The following PCDH15 variants were observed in gnomAD, a reference collection of about 807,000 sequenced individuals.
The protein encoded by PCDH15 is protocadherin related 15.
Under a neutral mutation model 178.5 loss-of-function variants are expected in PCDH15, and 129 were observed. That is an observed-to-expected ratio of 0.72 (90% CI 0.63 to 0.84). The LOEUF (loss-of-function observed/expected upper bound fraction) is 0.84. Ranked by LOEUF, PCDH15 falls within the 40% of genes least tolerant of loss-of-function variation. PCDH15 has a pLI of 0.00. For synonymous variants in PCDH15, 800 were observed against 732.0 expected (o/e 1.09, Z -1.50); for missense variants, 2,230 against 2,099.9 (o/e 1.06, Z -1.21).
chr10:53,952,846 A>G (rs960936533), intron 23 of PCDH15, among the ~76,000 whole-genome samples: 11 of 152,256 alleles, frequency 7.2e-5, no homozygotes, highest in African/African-American at 2.7e-4. Context: ...TCAGCACCAC[A>G]TGAGTGTGGG....
chr10:53,979,629 T>C (rs1309955289), intron 21 of PCDH15, among the ~76,000 whole-genome samples: 1 of 152,218 alleles, frequency 6.6e-6, no homozygotes, highest in Admixed American at 6.5e-5. Flanking sequence ...AACATAGGTA[T>C]GCTTTTGTAC....
chr10:55,191,808 C>T (rs1233555730), intron 1 of PCDH15, among the ~76,000 whole-genome samples: 1 of 151,836 alleles, frequency 6.6e-6, no homozygotes, highest in Non-Finnish European at 1.5e-5. Flanking sequence ...GGATTTTCAC[C>T]TTTCACTGTA....
In PCDH15 at chr10:54,734,332, C is replaced by G. The variant is rs140240343; in HGVS notation, c.-29+66593G>C. Among the ~76,000 whole-genome samples, 992 of 151,850 alleles carry G rather than the reference C, an allele frequency of 6.5e-3. 11 individuals carry two copies. The highest frequency in any genetic ancestry group is 9.2e-3 in the Non-Finnish European group (623 of 67,824). On this transcript the variant is annotated intron_variant, in intron 1 of 37. Coordinates refer to ENST00000644397, the MANE Select transcript of PCDH15 (RefSeq NM_001384140.1). ...GATGCTCAACAACAGTCATTAGGGG[C>G]ATGCAAATTGAAACCACATTATAAT...
chr10:54,502,581 C>A (rs2080794259), intron 3 of PCDH15, among the ~76,000 whole-genome samples: 1 of 152,128 alleles, frequency 6.6e-6, no homozygotes, highest in South Asian at 2.1e-4. Flanking sequence ...TGTGTCTCTA[C>A]AGCCTAATAT....
chr10:54,494,177 G>A (rs1016225850), intron 3 of PCDH15, among the ~76,000 whole-genome samples: 5 of 151,614 alleles, frequency 3.3e-5, no homozygotes, highest in Non-Finnish European at 7.4e-5. Flanking sequence ...CATGGCACAT[G>A]TATACATATG....
At chr10:54,933,729 A>G (rs1367703320) in intron 2 of PCDH15, among the ~76,000 whole-genome samples, 2 of 152,098 alleles carry the variant, frequency 1.3e-5, no homozygotes, top group African/African-American at 4.8e-5. Context: ...AGTAATATTA[A>G]TTAGATATTT....
chr10:53,831,751 AAC>A (rs1375166621), intron 29 of PCDH15, among the ~76,000 whole-genome samples: 2 of 152,318 alleles, frequency 1.3e-5, no homozygotes, highest in East Asian at 3.9e-4. Context: ...AATATTTTAA[AAC>A]ACAGCTCTTG....
rs148096330 is a variant in PCDH15 at position 54,909,581 on chromosome 10, G to A, written c.-79-12081C>T. Among the ~76,000 whole-genome samples the A allele has an allele frequency of 5.5e-3, 832 of 152,224 alleles. 8 individuals are homozygous for A. The highest frequency in any genetic ancestry group is 0.018 in the African/African-American group (758 of 41,566). On this transcript the variant is annotated intron_variant, in intron 2 of 5. Transcript: ENST00000458638. Reference sequence around the variant, plus strand: ...TGTGAGCAGTCACTTCTGAGCCTGCGGTGACAGGGAGGCATTCCTGGGCCC... The same window carrying A: ...TGTGAGCAGTCACTTCTGAGCCTGCAGTGACAGGGAGGCATTCCTGGGCCC...
At chr10:54,366,510 T>C (rs894393760) in intron 5 of PCDH15, among the ~76,000 whole-genome samples, 2 of 152,032 alleles carry the variant, frequency 1.3e-5, no homozygotes, top group Non-Finnish European at 1.5e-5. Flanking sequence ...ATAGTATGTA[T>C]GTATCTAATT....
chr10:54,749,625 C>G (rs2132947719), intron 1 of PCDH15, among the ~76,000 whole-genome samples: 1 of 152,198 alleles, frequency 6.6e-6, no homozygotes, highest in South Asian at 2.1e-4. Flanking sequence ...ATATAGTTTT[C>G]TCCTCAATAT....
chr10:54,326,031 T>C (rs1405752643), intron 7 of PCDH15, among the ~76,000 whole-genome samples: 1 of 152,334 alleles, frequency 6.6e-6, no homozygotes, highest in East Asian at 1.9e-4. Context: ...ATGTTACTAT[T>C]GGTATATACA....
chr10:54,898,041 T>G (rs1213716273), intron 2 of PCDH15, among the ~76,000 whole-genome samples: 1 of 152,074 alleles, frequency 6.6e-6, no homozygotes, highest in Non-Finnish European at 1.5e-5. Context: ...GGTATTTGAG[T>G]CATGAGGGCA....
At chr10:54,325,451 C>T (rs1937743415) in intron 7 of PCDH15, among the ~76,000 whole-genome samples, 1 of 151,910 alleles carries the variant, frequency 6.6e-6, no homozygotes, top group Non-Finnish European at 1.5e-5. Context: ...ACCACCAACA[C>T]AATATAAAAA....
intron 3 of PCDH15, among the ~76,000 whole-genome samples, chr10:54,382,317 G>A (rs999809217): frequency 2.0e-5 from 3 of 152,116 alleles, no homozygotes; most frequent in South Asian, 2.1e-4. Flanking sequence ...ATTCTCAAGA[G>A]AGATTAACAT....
chr10:54,590,888 AAT>A (rs1240196726), intron 2 of PCDH15, among the ~76,000 whole-genome samples: 1 of 152,174 alleles, frequency 6.6e-6, no homozygotes, highest in Admixed American at 6.5e-5. Context: ...ACAAAAATAA[AAT>A]ATCTTTCTGT....
chr10:54,575,194 A>C (rs1405331764), intron 2 of PCDH15: 1 of 148,130 alleles, frequency 6.8e-6, no homozygotes, highest in East Asian at 2.1e-4. Flanking sequence ...AGATATACCT[A>C]ATGCTAGATG....
intron 13 of PCDH15, among the ~76,000 whole-genome samples, chr10:54,171,930 C>A (rs899515468): frequency 6.6e-6 from 1 of 150,550 alleles, no homozygotes; most frequent in African/African-American, 2.5e-5. Flanking sequence ...CGCCCCTAAT[C>A]CTGCTTGAAG....
intron 1 of PCDH15, among the ~76,000 whole-genome samples, chr10:54,784,819 T>C (rs1950693602): frequency 6.6e-6 from 1 of 152,144 alleles, no homozygotes; most frequent in Non-Finnish European, 1.5e-5. Flanking sequence ...TTTATATCTT[T>C]ATACATGCTG....
At chr10:54,319,634 T>C (rs1490816147) in intron 7 of PCDH15, among the ~76,000 whole-genome samples, 1 of 152,088 alleles carries the variant, frequency 6.6e-6, no homozygotes. Context: ...TGCCATTGAA[T>C]TGTTCACTTT....
Sources: gnomAD v4.1 joint callset for allele counts (sites outside exome capture counted in the v4.1 genomes callset) on GRCh38, gnomAD v4.1.1 for gene constraint, MANE v1.5 for transcripts, NCBI Gene and HGNC (gene_info 2026-07-23, HGNC 2026-07-21) for gene names.